NFIX: variants seen among roughly 807,000 people sequenced by gnomAD.
NFIX encodes nuclear factor I X.
NFIX carries 2 observed loss-of-function variants against 53.3 expected under a neutral mutation model. The ratio of observed to expected loss-of-function variants is 0.04; its 90% CI spans 0.02 to 0.12. The LOEUF (loss-of-function observed/expected upper bound fraction) is 0.12, where lower values mean the gene tolerates loss of function less well. Ranked by LOEUF, NFIX falls within the 10% of genes least tolerant of loss-of-function variation. The probability of loss-of-function intolerance (pLI) is 1.00; values close to 1 mark genes in which losing one functional copy is unlikely to be tolerated. For missense variants in NFIX, 310 were observed against 674.5 expected (o/e 0.46, Z 5.99); for synonymous variants, 244 against 289.0 (o/e 0.84, Z 1.58).
At chr19:13,039,220 A>ACCCCCCCC (rs766690895) in intron 2 of NFIX, among the ~76,000 whole-genome samples, 2 of 135,706 alleles carry the variant, frequency 1.5e-5, no homozygotes, top group African/African-American at 6.2e-5. Flanking sequence ...TAAATTAAAC[A>ACCCCCCCC]CCCCCCCCCA....
intron 2 of NFIX, among the ~76,000 whole-genome samples, chr19:13,046,446 T>C (rs1197927489): frequency 6.6e-6 from 1 of 152,136 alleles, no homozygotes; most frequent in Non-Finnish European, 1.5e-5. Context: ...GAGTCCCTAA[T>C]AGTGGAATCG....
At chr19:13,092,437 C>A (rs909571636) in intron 10 of NFIX, among the ~76,000 whole-genome samples, 1 of 152,172 alleles carries the variant, frequency 6.6e-6, no homozygotes, top group Admixed American at 6.5e-5. Context: ...CCAGAGTCTT[C>A]CTTCCCTGAG....
In NFIX at chr19:13,022,731, C is replaced by T. The variant is rs1044133954; in HGVS notation, c.28-2290C>T. 2.6e-5 allele frequency among the ~76,000 whole-genome samples: 4 copies of T among 152,132 alleles called. No homozygotes were observed. Among genetic ancestry groups the T allele is most frequent in the African/African-American group, 9.7e-5 (4 of 41,434 alleles). On this transcript the variant is annotated intron_variant, in intron 1 of 10. Coordinates refer to ENST00000592199, the MANE Select transcript of NFIX (RefSeq NM_001365902.3). This position sits in a 1 kb window ranked among gnomAD's most constrained non-coding sequence, Gnocchi z 4.5. ...CTGGGGCTCCCGCCCGCCAGCCCGC[C>T]GGGAGTCAGGCCTTTATTTATTTAT...
At chr19:13,075,216 G>A (rs2017020533) in intron 5 of NFIX, among the ~76,000 whole-genome samples, 1 of 151,990 alleles carries the variant, frequency 6.6e-6, no homozygotes, top group African/African-American at 2.4e-5. Context: ...CCTGGGGGCT[G>A]CCAGGAAATC....
In NFIX at chr19:13,078,034, C is replaced by T. The variant is rs2145455073; in HGVS notation, c.956-579C>T. Among the ~76,000 whole-genome samples, 1 of 152,268 alleles carries T rather than the reference C, an allele frequency of 6.6e-6. No homozygotes were observed. The highest frequency in any genetic ancestry group is 2.4e-5 in the African/African-American group (1 of 41,582). On this transcript the variant is annotated intron_variant, in intron 6 of 10. Transcript: ENST00000592199. The surrounding 1 kb of genome is among the most constrained non-coding windows in gnomAD (Gnocchi z 4.7). Reference sequence around the variant, plus strand: ...ACAGCCCGGCTAGGCCTGAGCAGCCCAAGGACTCTCCAGGTCCTCTGGCCT... The same window carrying T: ...ACAGCCCGGCTAGGCCTGAGCAGCCTAAGGACTCTCCAGGTCCTCTGGCCT...
chr19:13,034,649 A>C (rs2014053119), intron 2 of NFIX, among the ~76,000 whole-genome samples: 1 of 152,196 alleles, frequency 6.6e-6, no homozygotes, highest in South Asian at 2.1e-4. Context: ...GAATGTAATT[A>C]TCATAATTAA....
Position 13,068,776 on chromosome 19 carries a change from A to C in NFIX, c.560-4271A>C, listed in dbSNP as rs2016585393. Among the ~76,000 whole-genome samples, 1 of 152,222 alleles carries C rather than the reference A, an allele frequency of 6.6e-6. No homozygotes were observed. On this transcript the variant is annotated intron_variant, in intron 2 of 10. Transcript: ENST00000592199. This position sits in a 1 kb window ranked among gnomAD's most constrained non-coding sequence, Gnocchi z 4.2. Reference sequence around the variant, plus strand: ...AGAAGCCTGCAAAGTGGCCAGAACCATGGGCAGGGGAGGCCTCTGCCTCAG... The same window carrying C: ...AGAAGCCTGCAAAGTGGCCAGAACCCTGGGCAGGGGAGGCCTCTGCCTCAG...
At chr19:13,075,455 G>C in intron 5 of NFIX, 80 bp from the exon 6 acceptor site, 1 of 1,524,448 alleles carries the variant, frequency 6.6e-7, no homozygotes, top group African/African-American at 1.4e-5. Flanking sequence ...TCTATGCACA[G>C]TTCTTTAGCC....
intron 8 of NFIX, among the ~76,000 whole-genome samples, chr19:13,084,179 C>T (rs1162229870): frequency 6.6e-6 from 1 of 152,140 alleles, no homozygotes; most frequent in African/African-American, 2.4e-5. Flanking sequence ...TGGTGGCTCA[C>T]ACCTGTAATC....
intron 2 of NFIX, among the ~76,000 whole-genome samples, chr19:13,064,228 G>A (rs905082522): frequency 2.6e-5 from 4 of 152,190 alleles, no homozygotes; most frequent in Non-Finnish European, 5.9e-5. Context: ...ATGACTCTTG[G>A]CCCCAGGCCC....
chr19:12,999,646 G>A (rs981576924), intron 1 of NFIX, among the ~76,000 whole-genome samples: 3 of 152,148 alleles, frequency 2.0e-5, no homozygotes, highest in Non-Finnish European at 2.9e-5. Flanking sequence ...GACACGCAGC[G>A]ACCTACGCCC....
In NFIX at chr19:13,066,961, C is replaced by G. The variant is rs1255230519; in HGVS notation, c.560-6086C>G. Among the ~76,000 whole-genome samples, 2 of 152,152 alleles carry G rather than the reference C, an allele frequency of 1.3e-5. No individual in the cohort carries two copies. Among genetic ancestry groups the G allele is most frequent in the African/African-American group, 4.8e-5 (2 of 41,434 alleles). The stretch of plus-strand genomic sequence containing the variant: ...GGGAGAACCCCTCTGTGACCCGTCC[C>G]CTTAGCCCCCCATCTATCCACCGTT... On this transcript the variant is annotated intron_variant, in intron 2 of 10. Coordinates refer to ENST00000592199, the MANE Select transcript of NFIX (RefSeq NM_001365902.3). The surrounding 1 kb of genome is among the most constrained non-coding windows in gnomAD (Gnocchi z 4.2).
Position 13,081,795 on chromosome 19 carries a change from C to T in NFIX, c.1194C>T (p.Asp398=). ...TIRYHHHHGQ[D]SLKEFVQFVC... is the part of the protein sequence containing the mutation. ...GCTACCACCACCACCACGGGCAGGA[C>T]TCACTGAAGGAGTTTGTGCAGTTTG... Residue 398 remains aspartate, a synonymous_variant, in exon 8 of 11, where the codon GAC becomes GAT. Coordinates refer to ENST00000592199, the MANE Select transcript of NFIX (RefSeq NM_001365902.3). The surrounding 1 kb of genome is among the most constrained non-coding windows in gnomAD (Gnocchi z 4.7). The T allele has an allele frequency of 6.2e-7, 1 of 1,614,052 alleles. No individual in the cohort carries two copies. The highest frequency in any genetic ancestry group is 8.5e-7 in the Non-Finnish European group (1 of 1,179,910).
At chr19:13,030,182 C>T (rs76071768) in intron 2 of NFIX, among the ~76,000 whole-genome samples, 1,856 of 152,318 alleles carry the variant, frequency 0.012, 43 homozygotes, top group African/African-American at 0.042. Context: ...CTGGAACTGA[C>T]GCCTAAAATT....
intron 1 of NFIX, among the ~76,000 whole-genome samples, chr19:13,017,162 G>C (rs373261625): frequency 6.6e-6 from 1 of 152,126 alleles, no homozygotes; most frequent in Non-Finnish European, 1.5e-5. Flanking sequence ...GGACGCAGAG[G>C]GGGAGAGAGG....
In NFIX at chr19:13,043,454, A is replaced by G. The variant is rs540102431; in HGVS notation, c.559+17902A>G. 2.6e-5 allele frequency among the ~76,000 whole-genome samples: 4 copies of G among 152,310 alleles called. No individual in the cohort carries two copies. The highest frequency in any genetic ancestry group is 9.6e-5 in the African/African-American group (4 of 41,572). ...AGGTCCACTTCTGAGGTGCAAGCCCATGCTGGCCGCCAGCACGTGCCAGAG... is the reference window on the plus strand; with the variant it reads ...AGGTCCACTTCTGAGGTGCAAGCCCGTGCTGGCCGCCAGCACGTGCCAGAG... On this transcript the variant is annotated intron_variant, in intron 2 of 10. Coordinates refer to ENST00000592199, the MANE Select transcript of NFIX (RefSeq NM_001365902.3). This position sits in a 1 kb window ranked among gnomAD's most constrained non-coding sequence, Gnocchi z 4.0.
In NFIX at chr19:13,011,486, A is replaced by C. The variant is rs1460197466; in HGVS notation, c.28-13535A>C. On this transcript the variant is annotated intron_variant, in intron 1 of 10. Coordinates refer to ENST00000592199, the MANE Select transcript of NFIX (RefSeq NM_001365902.3). This position sits in a 1 kb window ranked among gnomAD's most constrained non-coding sequence, Gnocchi z 6.5. ...CGGTGGAGGCGAGTTCCCTGCGCGC[A>C]TCATGGACTTCAGGAGTGAGGGTGG... Among the ~76,000 whole-genome samples, 1 of 151,294 alleles carries C rather than the reference A, an allele frequency of 6.6e-6. No individual in the cohort carries two copies. Among genetic ancestry groups the C allele is most frequent in the Non-Finnish European group, 1.5e-5 (1 of 67,834 alleles).
rs931745038 is a variant in NFIX at position 13,080,924 on chromosome 19, C to T, written c.1079-756C>T. 1.2e-3 allele frequency among the ~76,000 whole-genome samples: 181 copies of T among 151,440 alleles called. 2 individuals are homozygous for T. The highest frequency in any genetic ancestry group is 2.1e-3 in the Admixed American group (32 of 15,176). ...CTGAGGCAGGAGAATGGCGTGAACCCGGGAGGCAGAGCTTGCAGTGAGCTG... is the reference window on the plus strand; with the variant it reads ...CTGAGGCAGGAGAATGGCGTGAACCTGGGAGGCAGAGCTTGCAGTGAGCTG... On this transcript the variant is annotated intron_variant, in intron 7 of 10. Transcript: ENST00000592199.
chr19:13,059,279 G>C (rs1253128639), intron 2 of NFIX, among the ~76,000 whole-genome samples: 1 of 152,182 alleles, frequency 6.6e-6, no homozygotes, highest in Non-Finnish European at 1.5e-5. Flanking sequence ...GCTCCCTGTG[G>C]GCAGGTGGCT....
Sources: allele counts gnomAD v4.1 joint callset (sites outside exome capture counted in the v4.1 genomes callset), GRCh38; gene constraint gnomAD v4.1.1; non-coding constraint Gnocchi (gnomAD v3.1); transcripts MANE v1.5; gene names NCBI Gene and HGNC (gene_info 2026-07-23, HGNC 2026-07-21).